NDST3: variants seen among roughly 807,000 people sequenced by gnomAD.
NDST3 encodes bifunctional heparan sulfate N-deacetylase/N-sulfotransferase 3.
Under a neutral mutation model 96.1 loss-of-function variants are expected in NDST3, and 58 were observed. That is an observed-to-expected ratio of 0.60 (90% CI 0.49 to 0.75). NDST3 has a LOEUF of 0.75. NDST3 is among the 30% of genes least tolerant of loss of function. The probability of loss-of-function intolerance (pLI) is 0.00; values close to 1 mark genes in which losing one functional copy is unlikely to be tolerated. For missense variants in NDST3, 788 were observed against 1,034.2 expected, an observed-to-expected ratio of 0.76 and a Z score of 3.27; for synonymous variants, 333 against 359.7, an observed-to-expected ratio of 0.93 and a Z score of 0.84.
At position 118,124,887 on chromosome 4, in the gene NDST3, T is replaced by C. The variant is rs140571454; in HGVS notation, c.1224+9927T>C. Among the ~76,000 whole-genome samples the C allele has an allele frequency of 7.9e-5, 12 of 152,242 alleles. No homozygotes were observed. The East Asian group carries it at 1.9e-3, about 24-fold the overall frequency. On this transcript the variant is annotated intron_variant, in intron 4 of 13. Transcript: ENST00000296499. ...TTTTGTTACTTTTATTTTATAGCCA[T>C]ATTTTTTGCTATCTTGTGAGACAAA...
chr4:118,163,459 G>C lies in NDST3; in HGVS notation c.1539+19775G>C, dbSNP rs201768642. ...AGTTCATGTCCTTTGTAGGGACATG[G>C]ATGAAATTGGAAATCATCATTCTCA... On this transcript the variant is annotated intron_variant, in intron 6 of 13. Transcript: ENST00000296499. Among the ~76,000 whole-genome samples the C allele has an allele frequency of 4.7e-3, 705 of 149,914 alleles. 28 individuals are homozygous for C. The East Asian group carries it at 0.082, about 17-fold the overall frequency.
At chr4:118,251,675 A>G (rs1741746877) in intron 12 of NDST3, among the ~76,000 whole-genome samples, 1 of 152,206 alleles carries the variant, frequency 6.6e-6, no homozygotes, top group African/African-American at 2.4e-5. Context: ...CCAACACCAT[A>G]CAATCTTCAT....
intron 6 of NDST3, among the ~76,000 whole-genome samples, chr4:118,211,711 C>A (rs1738811387): frequency 6.6e-6 from 1 of 152,138 alleles, no homozygotes; most frequent in South Asian, 2.1e-4. Flanking sequence ...TCACTATGAA[C>A]CATGGTTTCT....
chr4:118,214,171 T>TG (rs1739036281), intron 6 of NDST3, among the ~76,000 whole-genome samples: 1 of 152,108 alleles, frequency 6.6e-6, no homozygotes, highest in African/African-American at 2.4e-5. Context: ...CATCTACCAA[T>TG]GTATGCTGTC....
intron 9 of NDST3, among the ~76,000 whole-genome samples, chr4:118,235,369 A>C (rs1460645377): frequency 6.6e-6 from 1 of 152,252 alleles, no homozygotes; most frequent in East Asian, 1.9e-4. Context: ...AATGCCTGTA[A>C]GTGCCAGCAA....
In NDST3 at chr4:118,105,051, C is replaced by A. The variant is rs1343961358; in HGVS notation, c.1015C>A (p.Gln339Lys). ...LLDTQNLLRA[Q>K]ITNFTFNLGF... is the part of the protein sequence containing the mutation. ...TGATACTCAGAATCTTTTGCGTGCA[C>A]AAATCACAAATTTTACATTCAACCT... is the stretch of plus-strand genomic sequence containing the variant. Residue 339 changes from glutamine (Q) to lysine (K), a missense_variant, in exon 3 of 14, where the codon CAA becomes AAA. Transcript: ENST00000296499. 6.2e-7 allele frequency: 1 copy of A among 1,613,350 alleles called. No individual in the cohort carries two copies. The highest frequency in any genetic ancestry group is 1.3e-5 in the African/African-American group (1 of 74,862).
intron 6 of NDST3, among the ~76,000 whole-genome samples, chr4:118,211,242 G>T (rs1738776193): frequency 6.6e-6 from 1 of 152,094 alleles, no homozygotes; most frequent in Non-Finnish European, 1.5e-5. Flanking sequence ...GATTAGGGAG[G>T]CCATTCTGCA....
intron 6 of NDST3, among the ~76,000 whole-genome samples, chr4:118,181,056 G>A (rs1250578262): frequency 1.3e-5 from 2 of 152,102 alleles, no homozygotes; most frequent in Non-Finnish European, 2.9e-5. Context: ...CAATGTAAAG[G>A]AGAGCAAAGC....
chr4:118,147,166 T>C (rs1734008160), intron 6 of NDST3, among the ~76,000 whole-genome samples: 1 of 152,272 alleles, frequency 6.6e-6, no homozygotes, highest in African/African-American at 2.4e-5. Flanking sequence ...ATCCTGCTTT[T>C]ATTCATTGGT....
Position 118,054,730 on chromosome 4 carries a change from A to G in NDST3, c.820A>G (p.Asn274Asp). 6.2e-7 allele frequency: 1 copy of G among 1,613,424 alleles called. No individual in the cohort carries two copies. Among genetic ancestry groups the G allele is most frequent in the African/African-American group, 1.3e-5 (1 of 74,990 alleles). Residue 274 changes from asparagine (N) to aspartate (D), a missense_variant, in exon 2 of 14, where the codon AAC becomes GAC. Asn to Asp is a conservative substitution (Grantham distance 23). Coordinates refer to ENST00000296499, the MANE Select transcript of NDST3 (RefSeq NM_004784.3). The stretch of plus-strand genomic sequence containing the variant: ...TGGAATTCAAAGGGTTCTTTTTGGC[A>G]ACAACTTGAACTTTTGGCTGCACAA... ...HDGIQRVLFG[N>D]NLNFWLHKLI...
intron 6 of NDST3, among the ~76,000 whole-genome samples, chr4:118,153,092 A>C (rs1237233344): frequency 6.6e-6 from 1 of 152,210 alleles, no homozygotes; most frequent in Non-Finnish European, 1.5e-5. Context: ...TCTTGATCTG[A>C]ATCCTGTGAG....
chr4:118,095,434 A>G (rs1345836705), intron 2 of NDST3, among the ~76,000 whole-genome samples: 1 of 151,822 alleles, frequency 6.6e-6, no homozygotes, highest in Non-Finnish European at 1.5e-5. Context: ...TCTTAAAGTC[A>G]GTGTAAAGAG....
intron 6 of NDST3, among the ~76,000 whole-genome samples, chr4:118,209,368 G>T (rs536779415): frequency 1.3e-5 from 2 of 152,256 alleles, no homozygotes; most frequent in South Asian, 4.1e-4. Context: ...TAACTGCAAT[G>T]GGGTCTTTCA....
At chr4:118,170,962 C>A (rs906616105) in intron 6 of NDST3, among the ~76,000 whole-genome samples, 6 of 152,198 alleles carry the variant, frequency 3.9e-5, no homozygotes, top group African/African-American at 1.4e-4. Context: ...CCAAGGCCTG[C>A]AAGATCCTGT....
At chr4:118,187,443 T>C (rs1258598390) in intron 6 of NDST3, among the ~76,000 whole-genome samples, 1 of 152,110 alleles carries the variant, frequency 6.6e-6, no homozygotes, top group Non-Finnish European at 1.5e-5. Context: ...TTTTCTTTAA[T>C]CCATGATGTA....
At chr4:118,078,455 A>C (rs935160514) in intron 2 of NDST3, among the ~76,000 whole-genome samples, 3 of 152,154 alleles carry the variant, frequency 2.0e-5, no homozygotes, top group African/African-American at 7.2e-5. Context: ...AAATAGCTTG[A>C]GAGTTAAGAT....
chr4:118,194,870 C>T, intron 6 of NDST3: 1 of 271,122 alleles, frequency 3.7e-6, no homozygotes, highest in Non-Finnish European at 6.9e-6. Context: ...TGACTGCGGA[C>T]CACATGGAGG....
intron 6 of NDST3, among the ~76,000 whole-genome samples, chr4:118,174,851 T>C (rs1452111696): frequency 6.6e-6 from 1 of 152,170 alleles, no homozygotes; most frequent in East Asian, 1.9e-4. Context: ...GTGACTAAAG[T>C]TGGATTCTGT....
At chr4:118,184,362 G>A (rs1736791133) in intron 6 of NDST3, among the ~76,000 whole-genome samples, 1 of 151,992 alleles carries the variant, frequency 6.6e-6, no homozygotes, top group African/African-American at 2.4e-5. Flanking sequence ...CCTCCATAAT[G>A]TGGGTGGGCC....
Sources: allele counts gnomAD v4.1 joint callset (sites outside exome capture counted in the v4.1 genomes callset), GRCh38; gene constraint gnomAD v4.1.1; transcripts MANE v1.5; gene names NCBI Gene and HGNC (gene_info 2026-07-23, HGNC 2026-07-21).